The following KHDRBS2 variants were observed in gnomAD, a reference collection of about 807,000 sequenced individuals.
KHDRBS2 encodes the protein KH RNA binding domain containing, signal transduction associated 2.
A neutral mutation model predicts 44.3 loss-of-function variants in KHDRBS2; 26 were observed. The ratio of observed to expected loss-of-function variants is 0.59; its 90% CI spans 0.43 to 0.81. The LOEUF is 0.81. KHDRBS2 is among the 40% of genes least tolerant of loss of function. The pLI is 0.00. For missense variants in KHDRBS2, 476 were observed against 433.1 expected (o/e 1.10, Z -0.88); for synonymous variants, 194 against 151.1 (o/e 1.28, Z -2.08).
At chr6:62,091,237 A>C (rs748009513) in intron 2 of KHDRBS2, among the ~76,000 whole-genome samples, 10 of 152,216 alleles carry the variant, frequency 6.6e-5, no homozygotes, top group Non-Finnish European at 1.5e-4. Context: ...CCCAAAGGTC[A>C]CTGAGTCCAT....
In KHDRBS2 at chr6:61,682,033, G is replaced by A. The variant is rs546519117; in HGVS notation, c.953-973C>T. Among the ~76,000 whole-genome samples, 24 of 151,946 alleles carry A rather than the reference G, an allele frequency of 1.6e-4. 1 individual carries two copies. The highest frequency in any genetic ancestry group is 5.9e-4 in the Admixed American group (9 of 15,190). On this transcript the variant is annotated intron_variant, in intron 8 of 8. Transcript: ENST00000281156. Reference sequence around the variant, plus strand: ...CAAAGGAAAGAAGGTTACTAGAGACGCATAGATATTGATAATTGATATATA... The same window carrying A: ...CAAAGGAAAGAAGGTTACTAGAGACACATAGATATTGATAATTGATATATA...
intron 2 of KHDRBS2, among the ~76,000 whole-genome samples, chr6:62,049,322 CA>C (rs921117786): frequency 6.0e-5 from 9 of 150,614 alleles, no homozygotes; most frequent in East Asian, 3.9e-4. Flanking sequence ...AAAAAGGAAA[CA>C]AAAAAAAACT....
intron 3 of KHDRBS2, among the ~76,000 whole-genome samples, chr6:62,009,416 G>T (rs1387944738): frequency 6.6e-6 from 1 of 152,172 alleles, no homozygotes; most frequent in Non-Finnish European, 1.5e-5. Flanking sequence ...GTTTGGAATA[G>T]TTGGAGCTTG....
intron 6 of KHDRBS2, among the ~76,000 whole-genome samples, chr6:61,757,302 C>T (rs1257996121): frequency 6.6e-6 from 1 of 152,084 alleles, no homozygotes; most frequent in Non-Finnish European, 1.5e-5. Context: ...TTTCTCACTG[C>T]AATTCTATTA....
intron 1 of KHDRBS2, among the ~76,000 whole-genome samples, chr6:62,251,443 A>G (rs1836515096): frequency 6.6e-6 from 1 of 152,020 alleles, no homozygotes; most frequent in Non-Finnish European, 1.5e-5. Flanking sequence ...CAATTATTTT[A>G]GAATAAAATA....
chr6:62,062,938 A>G (rs1792388631), intron 2 of KHDRBS2, among the ~76,000 whole-genome samples: 1 of 150,606 alleles, frequency 6.6e-6, no homozygotes, highest in South Asian at 2.1e-4. Context: ...AAAAAATGAT[A>G]AAGGGGATAT....
rs577463610 is a variant in KHDRBS2, at chr6:61,719,512, C to A, written c.893+13170G>T. On this transcript the variant is annotated intron_variant, in intron 7 of 8. Transcript: ENST00000281156. ...CATGAACAGAATTTAAATGTTTGGT[C>A]CAATTAAAGGTGTTAATCCCAGGAT... Among the ~76,000 whole-genome samples, 3 of 152,048 alleles carry A rather than the reference C, an allele frequency of 2.0e-5. No homozygotes were observed. In the South Asian group the frequency reaches 6.2e-4, roughly 32 times the overall value.
intron 2 of KHDRBS2, among the ~76,000 whole-genome samples, chr6:62,086,832 C>A (rs1470467440): frequency 6.6e-6 from 1 of 151,664 alleles, no homozygotes; most frequent in African/African-American, 2.4e-5. Flanking sequence ...TTCTAAAGAG[C>A]AATGCAGCCA....
chr6:62,279,068 T>G (rs372777346), intron 1 of KHDRBS2, among the ~76,000 whole-genome samples: 2 of 152,180 alleles, frequency 1.3e-5, no homozygotes, highest in Non-Finnish European at 2.9e-5. Flanking sequence ...CACTCCAGCC[T>G]GGGTGACAGA....
intron 2 of KHDRBS2, among the ~76,000 whole-genome samples, chr6:62,172,584 T>C (rs1479442681): frequency 4.7e-5 from 7 of 150,120 alleles, no homozygotes; most frequent in Non-Finnish European, 7.4e-5. Context: ...TAAATGAACC[T>C]AATAGACATC....
chr6:61,610,124 C>T, the KHDRBS2 span, among the ~76,000 whole-genome samples: 1 of 151,794 alleles, frequency 6.6e-6, no homozygotes, highest in Non-Finnish European at 1.5e-5. Context: ...TGCAGTGAGC[C>T]AAGATCACGC....
At chr6:61,737,901 G>GT (rs1206930941) in intron 6 of KHDRBS2, among the ~76,000 whole-genome samples, 3 of 151,858 alleles carry the variant, frequency 2.0e-5, no homozygotes, top group Non-Finnish European at 2.9e-5. Context: ...TATTTACGTG[G>GT]TTTTTTTAAG....
At chr6:62,125,374 G>C (rs1289245125) in intron 2 of KHDRBS2, among the ~76,000 whole-genome samples, 1 of 152,160 alleles carries the variant, frequency 6.6e-6, no homozygotes, top group African/African-American at 2.4e-5. Context: ...GCCATCCTCG[G>C]CTTAAGTGCT....
At chr6:61,628,222 TTTTTTTTTTTTTTTTTTTTC>T in the KHDRBS2 span, among the ~76,000 whole-genome samples, 9 of 81,012 alleles carry the variant, frequency 1.1e-4, no homozygotes, top group Non-Finnish European at 2.3e-4. Flanking sequence ...TTTTTTTTTT[TTTTTTTTTTTTTTTTTTTTC>T]AACCTGGGCT....
intron 1 of KHDRBS2, among the ~76,000 whole-genome samples, chr6:62,247,888 T>G (rs1835876504): frequency 6.6e-6 from 1 of 152,132 alleles, no homozygotes; most frequent in South Asian, 2.1e-4. Context: ...TCTCCATTTT[T>G]TAAAATCCAT....
chr6:61,948,688 ATTATTT>A (rs1165860447), intron 4 of KHDRBS2, among the ~76,000 whole-genome samples: 1 of 134,816 alleles, frequency 7.4e-6, no homozygotes, highest in Admixed American at 8.0e-5. Context: ...TATTATTATT[ATTATTT>A]TAGAGATGAG....
intron 6 of KHDRBS2, among the ~76,000 whole-genome samples, chr6:61,752,223 C>T (rs1455182747): frequency 6.6e-6 from 1 of 152,086 alleles, no homozygotes; most frequent in Non-Finnish European, 1.5e-5. Flanking sequence ...TGGGCCAAGT[C>T]TAGTCAGATT....
chr6:61,810,562 A>G (rs1408796235), intron 6 of KHDRBS2, among the ~76,000 whole-genome samples: 1 of 152,176 alleles, frequency 6.6e-6, no homozygotes, highest in Non-Finnish European at 1.5e-5. Context: ...AAATAATGTA[A>G]AAATTTAATA....
intron 6 of KHDRBS2, among the ~76,000 whole-genome samples, chr6:61,769,144 C>T (rs2127575481): frequency 6.6e-6 from 1 of 152,148 alleles, no homozygotes; most frequent in South Asian, 2.1e-4. Flanking sequence ...TGAAAGTCAC[C>T]TAAAATATTT....
Sources: gnomAD v4.1 joint callset for allele counts (sites outside exome capture counted in the v4.1 genomes callset) on GRCh38, gnomAD v4.1.1 for gene constraint, MANE v1.5 for transcripts, NCBI Gene and HGNC (gene_info 2026-07-23, HGNC 2026-07-21) for gene names.